SKAP2: variants seen among roughly 807,000 people sequenced by gnomAD.
The protein encoded by SKAP2 is src kinase associated phosphoprotein 2, also known as src kinase-associated phosphoprotein 2.
Under a neutral mutation model 54.9 loss-of-function variants are expected in SKAP2, and 28 were observed. The observed-to-expected ratio is 0.51, with a 90% CI of 0.38 to 0.70. The LOEUF is 0.70. Among genes scored for constraint, SKAP2 ranks in the 30% least tolerant of loss-of-function variants. The pLI, the probability that SKAP2 is intolerant of heterozygous loss-of-function variation, is 0.00. For missense variants in SKAP2, 356 were observed against 424.1 expected (o/e 0.84, Z 1.41); for synonymous variants, 137 against 134.3 (o/e 1.02, Z -0.14).
At chr7:26,862,696 G>A (rs756843857) in intron 1 of SKAP2, among the ~76,000 whole-genome samples, 1 of 151,920 alleles carries the variant, frequency 6.6e-6, no homozygotes, top group Non-Finnish European at 1.5e-5. Flanking sequence ...GTGATCTATG[G>A]GGATAAGAGA....
At chr7:26,714,727 G>C (rs573266289) in intron 9 of SKAP2, among the ~76,000 whole-genome samples, 1 of 152,306 alleles carries the variant, frequency 6.6e-6, no homozygotes, top group African/African-American at 2.4e-5. Flanking sequence ...TGTCTCTATA[G>C]ATGTATGTGT....
chr7:26,797,261 C>T (rs1783800910), intron 4 of SKAP2, among the ~76,000 whole-genome samples: 1 of 152,248 alleles, frequency 6.6e-6, no homozygotes, highest in Admixed American at 6.5e-5. Flanking sequence ...AGACCCAGTG[C>T]TGTGCTGGCT....
chr7:26,827,746 G>A (rs183850339), intron 4 of SKAP2, among the ~76,000 whole-genome samples: 37 of 152,206 alleles, frequency 2.4e-4, no homozygotes, highest in East Asian at 5.8e-4. Flanking sequence ...AAAAGATCAC[G>A]TACTTAGATA....
chr7:26,725,711 T>C, intron 8 of SKAP2, 146 bp from the exon 9 acceptor site: 5 of 994,412 alleles, frequency 5.0e-6, no homozygotes, highest in Non-Finnish European at 7.2e-6. Context: ...TTAAAAATTG[T>C]TTTGTAAATA....
intron 10 of SKAP2, among the ~76,000 whole-genome samples, chr7:26,688,221 A>G (rs1786691853): frequency 6.6e-6 from 1 of 152,162 alleles, no homozygotes; most frequent in Non-Finnish European, 1.5e-5. Context: ...AGGTTTAAAA[A>G]CTATTTTAGA....
In SKAP2 at chr7:26,864,055, TCACACACACA is replaced by T. The variant is rs35995014; in HGVS notation, c.67+298_67+307del. 4.9e-3 allele frequency among the ~76,000 whole-genome samples: 701 copies of T among 143,436 alleles called. 6 individuals are homozygous for T. Among genetic ancestry groups the T allele is most frequent in the African/African-American group, 0.017 (653 of 38,078 alleles). The allele number at this position is 143,436 out of a possible 152,430, so 94.1% of individuals were successfully genotyped here. A position where few individuals can be genotyped will look rare whatever the true frequency, so the allele number is the denominator to read the frequency against. On this transcript the variant is annotated intron_variant, in intron 1 of 12. Transcript: ENST00000345317. ...CCACTCTTCCTCCCCCGCCCTTCTG[TCACACACACA>T]CACACACACACACACACACCGTCTT... is the stretch of plus-strand genomic sequence containing the variant.
intron 4 of SKAP2, among the ~76,000 whole-genome samples, chr7:26,779,260 G>A (rs1783375925): frequency 6.6e-6 from 1 of 151,906 alleles, no homozygotes; most frequent in Non-Finnish European, 1.5e-5. Flanking sequence ...ATTGTAATAA[G>A]ATATTTCCTC....
At chr7:26,686,042 A>G (rs754844287) in intron 10 of SKAP2, among the ~76,000 whole-genome samples, 11 of 152,198 alleles carry the variant, frequency 7.2e-5, no homozygotes, top group Non-Finnish European at 1.5e-5. Context: ...TTCCAACACA[A>G]CTAGTCAGAT....
intron 9 of SKAP2, among the ~76,000 whole-genome samples, chr7:26,694,161 A>G (rs1314744425): frequency 1.3e-5 from 2 of 152,162 alleles, no homozygotes; most frequent in Admixed American, 6.5e-5. Flanking sequence ...TTGAGGCACA[A>G]TGTCATTGTA....
chr7:26,748,073 A>C (rs1782596031), intron 4 of SKAP2, among the ~76,000 whole-genome samples: 1 of 152,198 alleles, frequency 6.6e-6, no homozygotes, highest in Admixed American at 6.6e-5. Flanking sequence ...TTTTACTTTA[A>C]CATACATTTA....
chr7:26,824,227 G>C (rs1784443804), intron 4 of SKAP2, among the ~76,000 whole-genome samples: 1 of 152,158 alleles, frequency 6.6e-6, no homozygotes, highest in African/African-American at 2.4e-5. Context: ...ATTCTCTGAG[G>C]GCTAAGATGA....
chr7:26,706,083 G>A (rs973988812), intron 9 of SKAP2, among the ~76,000 whole-genome samples: 2 of 151,938 alleles, frequency 1.3e-5, no homozygotes, highest in African/African-American at 4.8e-5. Flanking sequence ...ACCCTATTTG[G>A]TTACCAAAGT....
chr7:26,802,833 A>G (rs1783944813), intron 4 of SKAP2, among the ~76,000 whole-genome samples: 1 of 152,056 alleles, frequency 6.6e-6, no homozygotes, highest in African/African-American at 2.4e-5. Flanking sequence ...GTGAGTCAAG[A>G]TCGCACTCCA....
At chr7:26,783,386 C>T (rs1001673256) in intron 4 of SKAP2, among the ~76,000 whole-genome samples, 11 of 152,022 alleles carry the variant, frequency 7.2e-5, no homozygotes, top group South Asian at 4.2e-4. Flanking sequence ...CTCCCCTACC[C>T]GTTTCCCCCA....
At chr7:26,656,949 T>A in the SKAP2 span, among the ~76,000 whole-genome samples, 4 of 151,940 alleles carry the variant, frequency 2.6e-5, no homozygotes. Flanking sequence ...AATATTTAGA[T>A]CATATGTGGG....
intron 4 of SKAP2, among the ~76,000 whole-genome samples, chr7:26,824,370 T>A (rs1016254338): frequency 1.3e-5 from 2 of 152,146 alleles, no homozygotes; most frequent in Non-Finnish European, 2.9e-5. Flanking sequence ...AGAGGGTGCA[T>A]CCTTTTTAAA....
At chr7:26,808,511 G>A (rs995606643) in intron 4 of SKAP2, among the ~76,000 whole-genome samples, 2 of 152,116 alleles carry the variant, frequency 1.3e-5, no homozygotes, top group Non-Finnish European at 2.9e-5. Flanking sequence ...CAGAGTTTCC[G>A]TTTACAATGA....
At chr7:26,762,724 T>G (rs1482030785) in intron 4 of SKAP2, among the ~76,000 whole-genome samples, 1 of 152,026 alleles carries the variant, frequency 6.6e-6, no homozygotes, top group Non-Finnish European at 1.5e-5. Context: ...TGTTTTTCAA[T>G]ACAACTAAAA....
intron 4 of SKAP2, among the ~76,000 whole-genome samples, chr7:26,778,282 T>C (rs924322655): frequency 6.6e-6 from 1 of 152,050 alleles, no homozygotes; most frequent in African/African-American, 2.4e-5. Flanking sequence ...AAATACGACA[T>C]TTAATCTCAG....
Sources: gnomAD v4.1 joint callset for allele counts (sites outside exome capture counted in the v4.1 genomes callset) on GRCh38, gnomAD v4.1.1 for gene constraint, MANE v1.5 for transcripts, NCBI Gene and HGNC (gene_info 2026-07-23, HGNC 2026-07-21) for gene names.